The following ZNF385B variants were observed in gnomAD, a reference collection of about 807,000 sequenced individuals.
ZNF385B encodes zinc finger protein 385B.
ZNF385B carries 23 observed loss-of-function variants against 39.2 expected under a neutral mutation model. That is an observed-to-expected ratio of 0.59 (90% CI 0.42 to 0.83). The LOEUF (loss-of-function observed/expected upper bound fraction) is 0.83. ZNF385B is among the 40% of genes least tolerant of loss of function. The pLI, the probability that ZNF385B is intolerant of heterozygous loss-of-function variation, is 0.00. For missense variants in ZNF385B, 552 were observed against 598.9 expected (o/e 0.92, Z 0.82); for synonymous variants, 205 against 222.6 (o/e 0.92, Z 0.70).
At chr2:179,719,666 G>A (rs1700557294) in intron 3 of ZNF385B, among the ~76,000 whole-genome samples, 1 of 152,194 alleles carries the variant, frequency 6.6e-6, no homozygotes. Flanking sequence ...AAAGATAACA[G>A]CAGTGGGAAC....
chr2:179,792,443 T>C (rs1705399005), intron 1 of ZNF385B, among the ~76,000 whole-genome samples: 1 of 149,634 alleles, frequency 6.7e-6, no homozygotes, highest in Non-Finnish European at 1.5e-5. Flanking sequence ...GGCACCATCT[T>C]GGCTCACTGC....
intron 3 of ZNF385B, among the ~76,000 whole-genome samples, chr2:179,646,442 C>T (rs190346225): frequency 6.6e-6 from 1 of 152,252 alleles, no homozygotes; most frequent in Admixed American, 6.5e-5. Flanking sequence ...AAGCAAAAAA[C>T]CCTGAACCTG....
At chr2:179,734,089 C>A (rs1474825208) in intron 3 of ZNF385B, among the ~76,000 whole-genome samples, 2 of 152,100 alleles carry the variant, frequency 1.3e-5, no homozygotes, top group Admixed American at 6.6e-5. Context: ...ACAGACATAT[C>A]TTATTATTTT....
chr2:179,508,035 G>A (rs2057382462), intron 5 of ZNF385B, among the ~76,000 whole-genome samples: 1 of 152,154 alleles, frequency 6.6e-6, no homozygotes. Flanking sequence ...TCTGCAGAAT[G>A]TTCTAAACGG....
At chr2:179,482,432 C>A (rs982878242) in intron 6 of ZNF385B, among the ~76,000 whole-genome samples, 2 of 152,200 alleles carry the variant, frequency 1.3e-5, no homozygotes, top group African/African-American at 2.4e-5. Context: ...GATGACATAT[C>A]CGTCATGGGC....
chr2:179,824,244 G>A (rs1218886641), intron 1 of ZNF385B, among the ~76,000 whole-genome samples: 1 of 152,096 alleles, frequency 6.6e-6, no homozygotes, highest in Non-Finnish European at 1.5e-5. Flanking sequence ...GTGGCTAAAG[G>A]GATGGGGCAC....
intron 1 of ZNF385B, among the ~76,000 whole-genome samples, chr2:179,783,976 A>C (rs1704832945): frequency 6.6e-6 from 1 of 152,218 alleles, no homozygotes; most frequent in Non-Finnish European, 1.5e-5. Context: ...TACTGGGTAT[A>C]TACCAAAAGG....
At chr2:179,481,306 G>C (rs549781380) in intron 6 of ZNF385B, 1 of 151,922 alleles carries the variant, frequency 6.6e-6, no homozygotes. Context: ...AAGGCATGCT[G>C]TAACTATAAT....
At chr2:179,565,790 C>G (rs1159729103) in intron 3 of ZNF385B, among the ~76,000 whole-genome samples, 1 of 152,204 alleles carries the variant, frequency 6.6e-6, no homozygotes, top group African/African-American at 2.4e-5. Context: ...CGAAGCCTTC[C>G]CTCTTTTTTC....
intron 1 of ZNF385B, among the ~76,000 whole-genome samples, chr2:179,811,361 C>A (rs1706720564): frequency 6.6e-6 from 1 of 151,948 alleles, no homozygotes; most frequent in Non-Finnish European, 1.5e-5. Flanking sequence ...CAATCCTAAG[C>A]AAAAAGAACA....
In ZNF385B at chr2:179,628,106, C is replaced by T. The variant is rs192534135; in HGVS notation, c.299-83137G>A. Among the ~76,000 whole-genome samples the T allele has an allele frequency of 1.3e-3, 200 of 152,112 alleles. 1 individual carries two copies. The highest frequency in any genetic ancestry group is 4.3e-3 in the African/African-American group (177 of 41,500). On this transcript the variant is annotated intron_variant, in intron 3 of 9. Coordinates refer to ENST00000410066, the MANE Select transcript of ZNF385B (RefSeq NM_152520.6). Reference sequence around the variant, plus strand: ...CATTATATCATTTTATTTGTAAATACATCAGTTTGTATTTCTAAGAGATAA... The same window carrying T: ...CATTATATCATTTTATTTGTAAATATATCAGTTTGTATTTCTAAGAGATAA...
chr2:179,615,552 GA>G (rs1166459733), intron 3 of ZNF385B, among the ~76,000 whole-genome samples: 1 of 152,180 alleles, frequency 6.6e-6, no homozygotes, highest in Non-Finnish European at 1.5e-5. Context: ...GCTTTAATGG[GA>G]AAAATCAAGG....
At chr2:179,712,073 A>T (rs1340565740) in intron 3 of ZNF385B, among the ~76,000 whole-genome samples, 2 of 152,018 alleles carry the variant, frequency 1.3e-5, no homozygotes, top group Non-Finnish European at 2.9e-5. Context: ...GACACTCATT[A>T]ACATGGATAA....
chr2:179,449,590 T>G (rs1225198530), intron 6 of ZNF385B, among the ~76,000 whole-genome samples: 1 of 151,914 alleles, frequency 6.6e-6, no homozygotes, highest in Non-Finnish European at 1.5e-5. Context: ...CACTGCTCAA[T>G]GAAATAAAAG....
At chr2:179,558,775 C>T (rs1026366109) in intron 3 of ZNF385B, among the ~76,000 whole-genome samples, 1 of 152,122 alleles carries the variant, frequency 6.6e-6, no homozygotes, top group African/African-American at 2.4e-5. Flanking sequence ...TAGAAAAGGC[C>T]ACTCTTGGTC....
intron 3 of ZNF385B, among the ~76,000 whole-genome samples, chr2:179,564,492 T>G (rs1684326842): frequency 6.6e-6 from 1 of 152,184 alleles, no homozygotes; most frequent in South Asian, 2.1e-4. Context: ...CTTTCTTTAG[T>G]CAGTCCATTC....
At chr2:179,587,336 A>T (rs933093066) in intron 3 of ZNF385B, among the ~76,000 whole-genome samples, 2 of 152,206 alleles carry the variant, frequency 1.3e-5, no homozygotes, top group Non-Finnish European at 2.9e-5. Context: ...TAAAAATGAG[A>T]GAGTAATAAA....
At chr2:179,745,619 T>A in intron 3 of ZNF385B, 1 of 1,115,330 alleles carries the variant, frequency 9.0e-7, no homozygotes, top group Non-Finnish European at 1.2e-6. Context: ...ATAAACACAA[T>A]TGAGGACTCC....
intron 1 of ZNF385B, among the ~76,000 whole-genome samples, chr2:179,847,074 C>T (rs938879990): frequency 5.3e-5 from 8 of 152,200 alleles, no homozygotes; most frequent in East Asian, 1.9e-4. Context: ...TGTTTAAAAT[C>T]GCTGAAGAAC....
Sources: allele counts gnomAD v4.1 joint callset (sites outside exome capture counted in the v4.1 genomes callset), GRCh38; gene constraint gnomAD v4.1.1; transcripts MANE v1.5; gene names NCBI Gene and HGNC (gene_info 2026-07-23, HGNC 2026-07-21).